CD83: variants seen among roughly 807,000 people sequenced by gnomAD.
CD83 encodes CD83 molecule.
A neutral mutation model predicts 24.6 loss-of-function variants in CD83; 22 were observed. The ratio of observed to expected loss-of-function variants is 0.90; its 90% CI spans 0.64 to 1.28. CD83 has a LOEUF of 1.28. CD83 is among the 50% of genes most tolerant of loss of function. The pLI is 0.00. For synonymous variants in CD83, 101 were observed against 103.5 expected, an observed-to-expected ratio of 0.98 and a Z score of 0.14; for missense variants, 253 against 252.8, an observed-to-expected ratio of 1.00 and a Z score of -0.01.
At position 14,131,738 on chromosome 6, in the gene CD83, G is replaced by A. The variant is rs45500695; in HGVS notation, c.372G>A (p.Leu124=). 7,358 of 1,611,116 alleles carry A rather than the reference G, an allele frequency of 4.6e-3. 20 individuals carry two copies. Among genetic ancestry groups the A allele is most frequent in the Non-Finnish European group, 5.6e-3 (6,643 of 1,177,242 alleles). ...GQRNLSGKVI[L]RVTGCPAQRK... is the part of the protein sequence containing the mutation. Reference sequence around the variant, plus strand: ...GAAACCTAAGTGGCAAGGTGATCTTGAGAGTGACAGGTGAGGTGACCTGCT... The same window carrying A: ...GAAACCTAAGTGGCAAGGTGATCTTAAGAGTGACAGGTGAGGTGACCTGCT... Residue 124 remains leucine (L), a synonymous_variant, in exon 3 of 5, where the codon TTG becomes TTA. Coordinates refer to ENST00000379153, the MANE Select transcript of CD83 (RefSeq NM_004233.4).
rs774672304 is a variant in CD83, at chr6:14,118,001, A to C, written c.89A>C (p.Asp30Ala). The C allele has an allele frequency of 1.4e-5, 23 of 1,611,344 alleles. No homozygotes were observed. Among genetic ancestry groups the C allele is most frequent in the Non-Finnish European group, 1.8e-5 (21 of 1,179,342 alleles). The change falls in exon 2 of 5, where the codon GAT becomes GCT. Residue 30 changes from aspartate (D) to alanine (A), a missense_variant. By Grantham distance (126) the Asp-to-Ala change is moderately radical (BLOSUM62 -2). Coordinates refer to ENST00000379153, the MANE Select transcript of CD83 (RefSeq NM_004233.4). ...TPEVKVACSE[D>A]VDLPCTAPWD... ...GAGGTGAAGGTGGCTTGCTCCGAAG[A>C]TGTGGACTTGCCCTGCACCGCCCCC...
intron 2 of CD83, among the ~76,000 whole-genome samples, chr6:14,120,706 T>C (rs1298195586): frequency 3.3e-5 from 5 of 152,246 alleles, no homozygotes; most frequent in Non-Finnish European, 7.3e-5. Flanking sequence ...TAAAATTCTA[T>C]TCACCACTCA....
intron 2 of CD83, 37 bp downstream of exon 2, chr6:14,118,102 G>T: frequency 1.3e-6 from 2 of 1,483,698 alleles, no homozygotes; most frequent in African/African-American, 1.4e-5. Context: ...GGGTTTGGTG[G>T]GCTCATTTGA....
Position 14,127,193 on chromosome 6 carries a change from T to C in CD83, c.154-4327T>C, listed in dbSNP as rs1759838651. On this transcript the variant is annotated intron_variant, in intron 2 of 4. Transcript: ENST00000379153. ...GTGGTGGAGATGTGGTTTCACCATG[T>C]TGGCAAGGCTGGTCTTGAACTCCTG... 7.2e-5 allele frequency among the ~76,000 whole-genome samples: 11 copies of C among 152,264 alleles called. No homozygotes were observed. In the South Asian group the frequency reaches 2.3e-3, roughly 32 times the overall value.
In CD83 at chr6:14,129,256, CA is replaced by C. The variant is rs1456812294; in HGVS notation, c.154-2263del. ...AGCTAATTATTTCAAACTGGCCTTTCAGGCCATCCTAGACACAGATTGGCCC... is the reference window on the plus strand; with the variant it reads ...AGCTAATTATTTCAAACTGGCCTTTCGGCCATCCTAGACACAGATTGGCCC... On this transcript the variant is annotated intron_variant, in intron 2 of 4. Transcript: ENST00000379153. The surrounding 1 kb of genome is among the most constrained non-coding windows in gnomAD (Gnocchi z 4.3). 6.6e-6 allele frequency among the ~76,000 whole-genome samples: 1 copy of C among 152,226 alleles called. No homozygotes were observed. The highest frequency in any genetic ancestry group is 1.5e-5 in the Non-Finnish European group (1 of 68,036).
intron 2 of CD83, among the ~76,000 whole-genome samples, chr6:14,128,436 T>C (rs556442081): frequency 3.9e-5 from 6 of 152,302 alleles, no homozygotes; most frequent in African/African-American, 1.4e-4. Context: ...AAAGTTTAGC[T>C]GAAAATGTAT....
chr6:14,127,063 A>G (rs1006037637), intron 2 of CD83, among the ~76,000 whole-genome samples: 1 of 151,784 alleles, frequency 6.6e-6, no homozygotes, highest in Non-Finnish European at 1.5e-5. Context: ...ATCTTGGCTC[A>G]CTGCAACCTT....
chr6:14,129,229 C>T lies in CD83; in HGVS notation c.154-2291C>T, dbSNP rs570696263. Among the ~76,000 whole-genome samples the T allele has an allele frequency of 3.5e-4, 54 of 152,282 alleles. No individual in the cohort carries two copies. The highest frequency in any genetic ancestry group is 6.9e-4 in the Non-Finnish European group (47 of 68,014). Reference sequence around the variant, plus strand: ...GGAATGGGGACTGCAGGGACTGGGCCGAGCTAATTATTTCAAACTGGCCTT... The same window carrying T: ...GGAATGGGGACTGCAGGGACTGGGCTGAGCTAATTATTTCAAACTGGCCTT... On this transcript the variant is annotated intron_variant, in intron 2 of 4. Coordinates refer to ENST00000379153, the MANE Select transcript of CD83 (RefSeq NM_004233.4). The surrounding 1 kb of genome is among the most constrained non-coding windows in gnomAD (Gnocchi z 4.3).
In CD83 at chr6:14,135,322, A is replaced by G. The variant is rs1318527743; in HGVS notation, c.*86A>G. ...CACTGGAGGAGAGAAGAATGAGCCT[A>G]CGCTGAAGATGGCATCCTGTGAAGT... On this transcript the variant is annotated 3_prime_UTR_variant, in exon 5 of 5. Coordinates refer to ENST00000379153, the MANE Select transcript of CD83 (RefSeq NM_004233.4). 1.4e-6 allele frequency: 2 copies of G among 1,428,828 alleles called. No individual in the cohort carries two copies. Among genetic ancestry groups the G allele is most frequent in the Non-Finnish European group, 1.9e-6 (2 of 1,045,566 alleles). The allele number at this position is 1,428,828 out of a possible 1,614,324, so 88.5% of individuals were successfully genotyped here.
In CD83 at chr6:14,130,805, C is replaced by A. The variant is rs527671487; in HGVS notation, c.154-715C>A. Among the ~76,000 whole-genome samples, 163 of 152,340 alleles carry A rather than the reference C, an allele frequency of 1.1e-3. 1 individual carries two copies. The highest frequency in any genetic ancestry group is 6.9e-3 in the Admixed American group (106 of 15,302). The stretch of plus-strand genomic sequence containing the variant: ...GGGCATCTCCCCAAGTCCGGCTGGT[C>A]TGTCCTGAGTACAGTGAAGTCAGCT... On this transcript the variant is annotated intron_variant, in intron 2 of 4. Coordinates refer to ENST00000379153, the MANE Select transcript of CD83 (RefSeq NM_004233.4).
intron 2 of CD83, among the ~76,000 whole-genome samples, chr6:14,125,717 G>T: frequency 6.6e-6 from 1 of 152,282 alleles, no homozygotes; most frequent in East Asian, 1.9e-4. Context: ...GAGATGATTG[G>T]CATGAACAAT....
At position 14,117,833 on chromosome 6, in the gene CD83, C is replaced by G; in HGVS notation, c.22C>G (p.Leu8Val). 1 of 1,573,114 alleles carries G rather than the reference C, an allele frequency of 6.4e-7. No homozygotes were observed. The highest frequency in any genetic ancestry group is 8.6e-7 in the Non-Finnish European group (1 of 1,167,046). Residue 8 changes from leucine to valine, a missense_variant, in exon 1 of 5, where the codon CTG becomes GTG. Physicochemically the swap from Leu to Val is conservative, Grantham distance 32. Transcript: ENST00000379153. The surrounding 1 kb of genome is among the most constrained non-coding windows in gnomAD (Gnocchi z 4.6). MSRGLQLLLLSCAYSLAP... is the reference protein window; with the variant it reads MSRGLQLVLLSCAYSLAP... ...AGCCATGTCGCGCGGCCTCCAGCTT[C>G]TGCTCCTGAGCTGCGGTAGGGCTCG...
Position 14,117,935 on chromosome 6 carries a change from C to G in CD83, c.38-15C>G, listed in dbSNP as rs777078872. On this transcript the variant is annotated splice_polypyrimidine_tract_variant and intron_variant, in intron 1 of 4. Transcript: ENST00000379153. This position sits in a 1 kb window ranked among gnomAD's most constrained non-coding sequence, Gnocchi z 4.6. ...GTCGGTCGCTTGCTCACGACGCGCT[C>G]TCTCTTTCTTGTAGCCTACAGCCTG... 2 of 1,603,488 alleles carry G rather than the reference C, an allele frequency of 1.2e-6. No homozygotes were observed. Among genetic ancestry groups the G allele is most frequent in the Non-Finnish European group, 1.7e-6 (2 of 1,177,388 alleles).
Position 14,117,972 on chromosome 6 carries a change from G to A in CD83, c.60G>A (p.Thr20=), listed in dbSNP as rs766593353. The A allele has an allele frequency of 1.2e-6, 2 of 1,609,486 alleles. No homozygotes were observed. The highest frequency in any genetic ancestry group is 1.1e-5 in the South Asian group (1 of 90,528). The change falls in exon 2 of 5, where the codon ACG becomes ACA. Residue 20 remains threonine (T), a synonymous_variant. Transcript: ENST00000379153. This position sits in a 1 kb window ranked among gnomAD's most constrained non-coding sequence, Gnocchi z 4.6. ...TAGCCTACAGCCTGGCTCCCGCGAC[G>A]CCGGAGGTGAAGGTGGCTTGCTCCG... ...LSCAYSLAPA[T]PEVKVACSED... is the part of the protein sequence containing the mutation.
intron 2 of CD83, among the ~76,000 whole-genome samples, chr6:14,123,243 G>A (rs1759712044): frequency 1.3e-5 from 2 of 151,878 alleles, no homozygotes; most frequent in South Asian, 4.2e-4. Context: ...GATTACAGGT[G>A]CCCACCACCA....
At chr6:14,134,985 G>T in intron 4 of CD83, 123 bp from the exon 5 acceptor site, 1 of 872,778 alleles carries the variant, frequency 1.1e-6, no homozygotes, top group Non-Finnish European at 1.8e-6. Context: ...GAGTGAGGCA[G>T]TGAGTATGAG....
intron 2 of CD83, among the ~76,000 whole-genome samples, chr6:14,125,082 A>G (rs922892552): frequency 1.3e-5 from 2 of 152,210 alleles, no homozygotes; most frequent in Non-Finnish European, 2.9e-5. Context: ...GCTAAGAGAA[A>G]GGCACAGAAC....
rs1757907719 is a variant in CD83, at chr6:14,131,689, C to T, written c.323C>T (p.Thr108Ile). The part of the protein sequence containing the change: ...TSCNSGTYRC[T>I]LQDPDGQRNL... ...TGCAACTCGGGGACATACAGGTGCA[C>T]TCTGCAGGACCCGGATGGGCAGAGA... Residue 108 changes from threonine to isoleucine, a missense_variant, in exon 3 of 5, where the codon ACT becomes ATT. Coordinates refer to ENST00000379153, the MANE Select transcript of CD83 (RefSeq NM_004233.4). 6.2e-7 allele frequency: 1 copy of T among 1,614,180 alleles called. No individual in the cohort carries two copies.
intron 3 of CD83, among the ~76,000 whole-genome samples, chr6:14,132,539 CGGAT>C (rs1757933192): frequency 6.6e-6 from 1 of 152,208 alleles, no homozygotes; most frequent in Non-Finnish European, 1.5e-5. Context: ...GAGCAAATCA[CGGAT>C]TGACACTAAG....
Sources: gnomAD v4.1 joint callset for allele counts (sites outside exome capture counted in the v4.1 genomes callset) on GRCh38, gnomAD v4.1.1 for gene constraint, Gnocchi (gnomAD v3.1) non-coding constraint, MANE v1.5 for transcripts, NCBI Gene and HGNC (gene_info 2026-07-23, HGNC 2026-07-21) for gene names.